SYNPO: variants seen among roughly 807,000 people sequenced by gnomAD.
SYNPO encodes synaptopodin.
Under a neutral mutation model 49.5 loss-of-function variants are expected in SYNPO, and 19 were observed. That is an observed-to-expected ratio of 0.38 (90% CI 0.27 to 0.56). The LOEUF (loss-of-function observed/expected upper bound fraction) is 0.56, where lower values mean the gene tolerates loss of function less well. SYNPO is among the 20% of genes least tolerant of loss of function. SYNPO has a pLI of 0.68. For synonymous variants in SYNPO, 536 were observed against 548.0 expected, an observed-to-expected ratio of 0.98 and a Z score of 0.31; for missense variants, 1,131 against 1,248.3, an observed-to-expected ratio of 0.91 and a Z score of 1.42.
intron 2 of SYNPO, chr5:150,651,088 G>A: frequency 8.9e-7 from 1 of 1,128,412 alleles, no homozygotes; most frequent in Non-Finnish European, 1.1e-6. Flanking sequence ...CACCGCTCTA[G>A]GGGTGGGGGA....
chr5:150,648,699 C>T lies in SYNPO; in HGVS notation c.424C>T (p.Gln142Ter). 1 of 1,614,226 alleles carries T rather than the reference C, an allele frequency of 6.2e-7. No homozygotes were observed. Among genetic ancestry groups the T allele is most frequent in the Non-Finnish European group, 8.5e-7 (1 of 1,180,048 alleles). Residue 142 changes from glutamine to a stop codon, truncating the protein, a stop_gained, in exon 2 of 3, where the codon CAA becomes TAA. Transcript: ENST00000307662. LOFTEE classifies it high-confidence loss of function. This position sits in a 1 kb window ranked among gnomAD's most constrained non-coding sequence, Gnocchi z 5.0. Reference sequence around the variant, plus strand: ...ACCCAGCACCCTGTGTGCTGATGGGCAACCCCAGGCACCGGCTGAGGAGGT... The same window carrying T: ...ACCCAGCACCCTGTGTGCTGATGGGTAACCCCAGGCACCGGCTGAGGAGGT... ...SKPSTLCADGQPQAPAEEVRC... is the reference protein window; with the variant it reads ...SKPSTLCADG
upstream of SYNPO, among the ~76,000 whole-genome samples, chr5:150,636,808 T>G: frequency 2.2e-5 from 3 of 137,570 alleles, no homozygotes; most frequent in East Asian, 2.2e-4. Flanking sequence ...GTGGGGGGTG[T>G]TGGGAAGGGG....
intron 2 of SYNPO, chr5:150,654,008 T>C (rs1758477354): frequency 6.6e-6 from 1 of 152,138 alleles, no homozygotes; most frequent in Non-Finnish European, 1.5e-5. Context: ...AACATACAAT[T>C]GGTGTCTATT....
intron 2 of SYNPO, among the ~76,000 whole-genome samples, chr5:150,632,437 GGCA>G (rs1444950942): frequency 6.6e-6 from 1 of 152,120 alleles, no homozygotes; most frequent in Non-Finnish European, 1.5e-5. Flanking sequence ...CACATAAGAG[GGCA>G]CCCACCCACT....
Position 150,617,556 on chromosome 5 carries a change from A to C in SYNPO, c.-265-547A>C, listed in dbSNP as rs570599106. ...GGTGATCCACCCGCCTCGGCCTGCC[A>C]AAGTGCTAGGATTACAGGCATGAGC... is the stretch of plus-strand genomic sequence containing the variant. On this transcript the variant is annotated intron_variant, in intron 1 of 2. Transcript: ENST00000394243. The C allele has an allele frequency of 5.3e-5, 8 of 152,378 alleles. No individual in the cohort carries two copies. In the East Asian group the frequency reaches 1.5e-3, roughly 29 times the overall value. 9.4% of individuals were successfully genotyped at this position (152,378 alleles called of 1,614,324 possible).
chr5:150,642,168 G>C (rs1166215962), intron 1 of SYNPO, among the ~76,000 whole-genome samples: 1 of 152,200 alleles, frequency 6.6e-6, no homozygotes, highest in Non-Finnish European at 1.5e-5. Context: ...GCTGCAGCAG[G>C]GGCTCAGTAG....
At chr5:150,620,790 T>A (rs1186318236) in intron 2 of SYNPO, among the ~76,000 whole-genome samples, 1 of 152,174 alleles carries the variant, frequency 6.6e-6, no homozygotes, top group East Asian at 1.9e-4. Context: ...CTCAGAGATT[T>A]AAGTCCCCTA....
At chr5:150,639,245 A>G (rs144109773), upstream of SYNPO, among the ~76,000 whole-genome samples, 1 of 152,184 alleles carries the variant, frequency 6.6e-6, no homozygotes, top group African/African-American at 2.4e-5. Flanking sequence ...CCCCTTACCC[A>G]TCCATCTCTG....
chr5:150,589,923 A>G, the SYNPO span, among the ~76,000 whole-genome samples: 1 of 152,348 alleles, frequency 6.6e-6, no homozygotes, highest in East Asian at 1.9e-4. Flanking sequence ...AGAGGTCCCC[A>G]GTTCACCAGT....
intron 1 of SYNPO, among the ~76,000 whole-genome samples, chr5:150,646,814 A>G (rs1361200438): frequency 1.3e-5 from 2 of 152,250 alleles, no homozygotes; most frequent in Non-Finnish European, 2.9e-5. Flanking sequence ...TTCCTATGCT[A>G]TAATTCTGAA....
At chr5:150,646,755 G>C (rs984783743) in intron 1 of SYNPO, among the ~76,000 whole-genome samples, 1 of 141,426 alleles carries the variant, frequency 7.1e-6, no homozygotes, top group African/African-American at 3.1e-5. Context: ...ATTAAAAAAA[G>C]CAGACGGTGG....
At chr5:150,631,203 A>G (rs1467390060) in intron 2 of SYNPO, among the ~76,000 whole-genome samples, 1 of 152,212 alleles carries the variant, frequency 6.6e-6, no homozygotes, top group Non-Finnish European at 1.5e-5. Flanking sequence ...GGGCATGGAC[A>G]TAGCCAAGGT....
chr5:150,622,914 A>G (rs577872620), intron 2 of SYNPO, among the ~76,000 whole-genome samples: 25 of 152,336 alleles, frequency 1.6e-4, no homozygotes, highest in African/African-American at 5.5e-4. Flanking sequence ...ACATGTATCT[A>G]CACATGATGT....
At chr5:150,621,227 A>G (rs1482617917) in intron 2 of SYNPO, among the ~76,000 whole-genome samples, 2 of 152,154 alleles carry the variant, frequency 1.3e-5, no homozygotes, top group Non-Finnish European at 2.9e-5. Flanking sequence ...TGCTGGGATT[A>G]TAGGCGTGAG....
In SYNPO at chr5:150,657,430, TCTCACACACACACACACACA is replaced by T. The variant is rs1380761529; in HGVS notation, c.*345_*364del. 1 of 157,344 alleles carries T rather than the reference TCTCACACACACACACACACA, an allele frequency of 6.4e-6. No individual in the cohort carries two copies. Among genetic ancestry groups the T allele is most frequent in the Admixed American group, 8.4e-5 (1 of 11,948 alleles). The allele number at this position is 157,344 out of a possible 1,614,324, so 9.7% of individuals were successfully genotyped here. On this transcript the variant is annotated 3_prime_UTR_variant, in exon 3 of 3. Coordinates refer to ENST00000307662, the MANE Select transcript of SYNPO (RefSeq NM_007286.6). Reference sequence around the variant, plus strand: ...CACTCTCTCTTTCTCTCTCTCTCTCTCTCACACACACACACACACACACACACACACACACACACACACAC... The same window carrying T: ...CACTCTCTCTTTCTCTCTCTCTCTCTCACACACACACACACACACACACAC...
chr5:150,642,662 G>A (rs1478025335), intron 1 of SYNPO, among the ~76,000 whole-genome samples: 4 of 152,252 alleles, frequency 2.6e-5, no homozygotes, highest in East Asian at 1.9e-4. Context: ...GTGTCCCCCC[G>A]CCTCCCCAGC....
chr5:150,618,373 G>A (rs544265687), exon 2 of SYNPO: 1 of 1,549,284 alleles, frequency 6.5e-7, no homozygotes, highest in African/African-American at 1.4e-5. Flanking sequence ...GCACCATGCT[G>A]GGTCCTCACC....
chr5:150,610,596 C>T (rs571341758), intron 1 of SYNPO, among the ~76,000 whole-genome samples: 1 of 152,316 alleles, frequency 6.6e-6, no homozygotes, highest in Admixed American at 6.5e-5. Flanking sequence ...TCTTGTAATG[C>T]CCTCAGTCAC....
upstream of SYNPO, among the ~76,000 whole-genome samples, chr5:150,599,615 G>A (rs1331799697): frequency 6.6e-6 from 1 of 152,136 alleles, no homozygotes; most frequent in Non-Finnish European, 1.5e-5. Flanking sequence ...GGATGACTGT[G>A]GTACCTACTG....
Sources: allele counts gnomAD v4.1 joint callset (sites outside exome capture counted in the v4.1 genomes callset), GRCh38; gene constraint gnomAD v4.1.1; non-coding constraint Gnocchi (gnomAD v3.1); transcripts MANE v1.5; gene names NCBI Gene and HGNC (gene_info 2026-07-23, HGNC 2026-07-21).